The following PNPLA4 variants were observed in gnomAD, a reference collection of about 807,000 sequenced individuals.
PNPLA4 encodes the protein patatin like domain 4, phospholipase and triacylglycerol lipase, also known as patatin-like phospholipase domain-containing protein 4.
A neutral mutation model predicts 18.3 loss-of-function variants in PNPLA4; 15 were observed. The observed-to-expected ratio is 0.82, with a 90% CI of 0.55 to 1.26. PNPLA4 has a LOEUF of 1.26. Among genes scored for constraint, PNPLA4 ranks in the 50% most tolerant of loss-of-function variants. The pLI, the probability that PNPLA4 is intolerant of heterozygous loss-of-function variation, is 0.00. For synonymous variants in PNPLA4, 88 were observed against 85.6 expected, an observed-to-expected ratio of 1.03 and a Z score of -0.16; for missense variants, 229 against 196.8, an observed-to-expected ratio of 1.16 and a Z score of -0.98.
chrX:7,914,019 T>G (rs1273913786), intron 4 of PNPLA4, among the ~76,000 whole-genome samples: 1 of 112,519 alleles, frequency 8.9e-6, no homozygotes, highest in Non-Finnish European at 1.9e-5. Flanking sequence ...AATCGCTTGT[T>G]TATTGAAATA....
At chrX:7,921,619 G>T in intron 4 of PNPLA4, 94 bp downstream of exon 4, 1 of 773,825 alleles carries the variant, frequency 1.3e-6, no homozygotes, top group Non-Finnish European at 2.0e-6. Context: ...AAGAGACACA[G>T]GATCTAAAGA....
chrX:7,911,441 C>T (rs1464363642), intron 5 of PNPLA4, among the ~76,000 whole-genome samples: 1 of 110,177 alleles, frequency 9.1e-6, no homozygotes, highest in African/African-American at 3.3e-5. Flanking sequence ...ACAGTCAGCG[C>T]AGACTTCAGG....
intron 5 of PNPLA4, among the ~76,000 whole-genome samples, chrX:7,909,960 G>A (rs1411292340): frequency 1.8e-5 from 2 of 111,789 alleles, no homozygotes; most frequent in African/African-American, 6.5e-5. Flanking sequence ...TATATTGGAA[G>A]AGAACCTGGA....
intron 5 of PNPLA4, among the ~76,000 whole-genome samples, chrX:7,906,546 T>G (rs2146753921): frequency 8.9e-6 from 1 of 112,138 alleles, no homozygotes; most frequent in Admixed American, 9.4e-5. Context: ...ACATGTTGTT[T>G]CAAAAATTAA....
chrX:7,912,207 A>T (rs1313580517), intron 4 of PNPLA4, 114 bp from the exon 5 acceptor site: 1 of 484,521 alleles, frequency 2.1e-6, no homozygotes. Flanking sequence ...ACAGACTTCA[A>T]GTGCAGCACT....
chrX:7,912,795 T>C (rs1174932670), intron 4 of PNPLA4, among the ~76,000 whole-genome samples: 1 of 112,335 alleles, frequency 8.9e-6, no homozygotes, highest in Non-Finnish European at 1.9e-5. Context: ...ACATACAGCA[T>C]TAGATACTGA....
At chrX:7,912,160 G>A in intron 4 of PNPLA4, 67 bp from the exon 5 acceptor site, 1 of 821,759 alleles carries the variant, frequency 1.2e-6, no homozygotes, top group South Asian at 2.1e-5. Context: ...TACAGTTGAT[G>A]TAGTATTGAC....
chrX:7,898,284 A>G lies in PNPLA4; in HGVS notation c.*2402T>C, dbSNP rs188745303. The G allele has an allele frequency of 2.0e-4, 22 of 111,898 alleles. No individual in the cohort carries two copies. The highest frequency in any genetic ancestry group is 7.1e-4 in the African/African-American group (22 of 30,827). The allele number at this position is 111,898 out of a possible 1,213,427, so 9.2% of individuals were successfully genotyped here. The stretch of plus-strand genomic sequence containing the variant: ...CATTTTTAATGACAGATTCAAATAT[A>G]TAAGGAAATTGCCCCCACAGGGAAT... On this transcript the variant is annotated 3_prime_UTR_variant, in exon 7 of 7. Transcript: ENST00000381042.
At position 7,900,501 on chromosome X, in the gene PNPLA4, T is replaced by A; in HGVS notation, c.*185A>T. ...AAGTGTATCCTTCTTAATGACGTTG[T>A]CAAATTCTAATAAAGTGCCTCTTAT... On this transcript the variant is annotated 3_prime_UTR_variant, in exon 7 of 7. Transcript: ENST00000381042. The A allele has an allele frequency of 3.1e-6, 1 of 317,622 alleles. No homozygotes were observed. Among genetic ancestry groups the A allele is most frequent in the Admixed American group, 5.6e-5 (1 of 17,940 alleles). The allele number at this position is 317,622 out of a possible 1,213,427, so 26.2% of individuals were successfully genotyped here. A position where few individuals can be genotyped will look rare whatever the true frequency, so the allele number is the denominator to read the frequency against.
chrX:7,900,884 A>G (rs1300812294), intron 6 of PNPLA4, 67 bp from the exon 7 acceptor site: 3 of 871,226 alleles, frequency 3.4e-6, no homozygotes, highest in Non-Finnish European at 4.7e-6. Context: ...CACTATTTTT[A>G]TAATCTAGGT....
At chrX:7,903,385 C>T (rs12862879) in intron 5 of PNPLA4, among the ~76,000 whole-genome samples, 2 of 110,045 alleles carry the variant, frequency 1.8e-5, no homozygotes, top group African/African-American at 6.6e-5. Context: ...CTGCAAGCTC[C>T]GCCTCCCAGG....
At chrX:7,908,436 A>G (rs748607206) in intron 5 of PNPLA4, among the ~76,000 whole-genome samples, 1 of 112,677 alleles carries the variant, frequency 8.9e-6, no homozygotes, top group South Asian at 3.7e-4. Flanking sequence ...TAAGTCACAT[A>G]AAAAGCTTAT....
At position 7,898,609 on chromosome X, in the gene PNPLA4, C is replaced by A. The variant is rs1923411986; in HGVS notation, c.*2077G>T. ...ATGTGTTTCATTACACCGCTGTATT[C>A]CCCTCATGTAGGAAAGTTGCTGCAG... On this transcript the variant is annotated 3_prime_UTR_variant, in exon 7 of 7. Transcript: ENST00000381042. The A allele has an allele frequency of 9.0e-6, 1 of 111,640 alleles. No homozygotes were observed. Among genetic ancestry groups the A allele is most frequent in the South Asian group, 3.8e-4 (1 of 2,623 alleles). The allele number at this position is 111,640 out of a possible 1,213,427, so 9.2% of individuals were successfully genotyped here. A position where few individuals can be genotyped will look rare whatever the true frequency, so the allele number is the denominator to read the frequency against.
chrX:7,911,880 C>A (rs1194171128), intron 5 of PNPLA4, 148 bp downstream of exon 5: 3 of 392,977 alleles, frequency 7.6e-6, no homozygotes, highest in African/African-American at 5.1e-5. Flanking sequence ...CCTGTATATT[C>A]TTTCCCTCTT....
chrX:7,912,164 T>C, intron 4 of PNPLA4, 71 bp from the exon 5 acceptor site: 1 of 760,032 alleles, frequency 1.3e-6, no homozygotes, highest in Non-Finnish European at 2.0e-6. Context: ...GTTGATGTAG[T>C]ATTGACTAGC....
At chrX:7,921,655 T>C (rs927074276) in intron 4 of PNPLA4, 58 bp downstream of exon 4, 5 of 1,027,871 alleles carry the variant, frequency 4.9e-6, no homozygotes, top group Non-Finnish European at 5.5e-6. Flanking sequence ...TTACTTTATA[T>C]GAAGTATTGA....
intron 4 of PNPLA4, among the ~76,000 whole-genome samples, chrX:7,918,812 C>T (rs935335992): frequency 9.0e-6 from 1 of 111,680 alleles, no homozygotes; most frequent in Non-Finnish European, 1.9e-5. Context: ...CCCTACCTGG[C>T]AGGGGGTTTA....
At chrX:7,922,473 G>A (rs1924260949) in intron 2 of PNPLA4, among the ~76,000 whole-genome samples, 1 of 112,457 alleles carries the variant, frequency 8.9e-6, no homozygotes, top group South Asian at 3.7e-4. Context: ...GATTACAACC[G>A]TGCAACAAAG....
At chrX:7,911,298 T>C in intron 5 of PNPLA4, among the ~76,000 whole-genome samples, 1 of 112,200 alleles carries the variant, frequency 8.9e-6, no homozygotes, top group East Asian at 2.8e-4. Context: ...CTGTGACATA[T>C]GTGAAATAGA....
Sources: gnomAD v4.1 joint callset for allele counts (sites outside exome capture counted in the v4.1 genomes callset) on GRCh38, gnomAD v4.1.1 for gene constraint, MANE v1.5 for transcripts, NCBI Gene and HGNC (gene_info 2026-07-23, HGNC 2026-07-21) for gene names.